Variants in GABRB1 observed in about 807,000 individuals in gnomAD.
The protein encoded by GABRB1 is gamma-aminobutyric acid type A receptor subunit beta1.
Under a neutral mutation model 51.6 loss-of-function variants are expected in GABRB1, and 17 were observed. That is an observed-to-expected ratio of 0.33 (90% CI 0.23 to 0.49). The LOEUF is 0.49. Ranked by LOEUF, GABRB1 falls within the 20% of genes least tolerant of loss-of-function variation. GABRB1 has a pLI of 0.99. For missense variants in GABRB1, 410 were observed against 600.6 expected (o/e 0.68, Z 3.32); for synonymous variants, 247 against 218.9 (o/e 1.13, Z -1.14).
intron 5 of GABRB1, among the ~76,000 whole-genome samples, chr4:47,371,591 G>A (rs771704483): frequency 4.6e-5 from 7 of 152,146 alleles, no homozygotes; most frequent in South Asian, 2.1e-4. Context: ...ACAACCTCAC[G>A]AGCATCTGTT....
At position 47,406,939 on chromosome 4, in the gene GABRB1, A is replaced by G. The variant is rs951653630; in HGVS notation, c.1080+13A>G. On this transcript the variant is annotated intron_variant, in intron 8 of 8. Transcript: ENST00000295454. ...GAATAAAGTCCAGGTAAGATATTAA[A>G]TATTCCTAACAATATTCTTGTTAAA... The G allele has an allele frequency of 8.7e-6, 14 of 1,610,806 alleles. No homozygotes were observed. Among genetic ancestry groups the G allele is most frequent in the Non-Finnish European group, 1.2e-5 (14 of 1,177,980 alleles).
intron 4 of GABRB1, among the ~76,000 whole-genome samples, chr4:47,209,773 T>C (rs1720281144): frequency 6.6e-6 from 1 of 151,560 alleles, no homozygotes; most frequent in Admixed American, 6.6e-5. Context: ...AATAAATTAT[T>C]TACTGATTAT....
intron 3 of GABRB1, among the ~76,000 whole-genome samples, chr4:47,087,439 C>T (rs938937099): frequency 6.6e-6 from 1 of 152,158 alleles, no homozygotes; most frequent in Non-Finnish European, 1.5e-5. Flanking sequence ...TTGCTGCCGC[C>T]TTGCCTGCAG....
At chr4:47,406,983 C>T in intron 8 of GABRB1, 57 bp downstream of exon 8, 1 of 1,516,454 alleles carries the variant, frequency 6.6e-7, no homozygotes, top group South Asian at 1.2e-5. Flanking sequence ...CATCATGATG[C>T]CTCGGGCTCT....
At chr4:47,157,232 T>A (rs1446320102) in intron 3 of GABRB1, among the ~76,000 whole-genome samples, 2 of 152,066 alleles carry the variant, frequency 1.3e-5, no homozygotes, top group Non-Finnish European at 2.9e-5. Flanking sequence ...GGTGGAACAC[T>A]TGTAAACTCA....
chr4:47,421,938 A>G (rs1474447259), intron 8 of GABRB1, among the ~76,000 whole-genome samples: 3 of 152,074 alleles, frequency 2.0e-5, no homozygotes, highest in Non-Finnish European at 4.4e-5. Context: ...CTTATCTTCT[A>G]ATGTAATTCT....
At chr4:47,308,738 T>G (rs535825856) in intron 4 of GABRB1, among the ~76,000 whole-genome samples, 2 of 152,240 alleles carry the variant, frequency 1.3e-5, no homozygotes, top group African/African-American at 4.8e-5. Flanking sequence ...GTCTGAGTCT[T>G]GTTTAGTTAT....
At chr4:47,223,427 G>A (rs1041212709) in intron 4 of GABRB1, among the ~76,000 whole-genome samples, 6 of 152,104 alleles carry the variant, frequency 3.9e-5, no homozygotes, top group Admixed American at 1.3e-4. Context: ...ATACATAAAT[G>A]TAATGCAGCT....
At chr4:47,421,139 G>A (rs1729081015) in intron 8 of GABRB1, among the ~76,000 whole-genome samples, 2 of 152,260 alleles carry the variant, frequency 1.3e-5, no homozygotes, top group South Asian at 2.1e-4. Flanking sequence ...TTCATGGATA[G>A]TTGCAGAACT....
rs535695996 is a variant in GABRB1 at position 47,294,482 on chromosome 4, C to T, written c.462-25645C>T. On this transcript the variant is annotated intron_variant, in intron 4 of 8. Transcript: ENST00000295454. ...CCCGCACGTGGCTCGGAGGGTCCTA[C>T]GCCCACAGTCTCGCTCATTGCTAGC... is the stretch of plus-strand genomic sequence containing the variant. Among the ~76,000 whole-genome samples, 81 of 152,362 alleles carry T rather than the reference C, an allele frequency of 5.3e-4. 1 individual carries two copies. The highest frequency in any genetic ancestry group is 4.7e-3 in the Admixed American group (72 of 15,308).
intron 5 of GABRB1, among the ~76,000 whole-genome samples, chr4:47,326,934 G>A (rs75249114): frequency 0.067 from 10,133 of 152,190 alleles, 449 homozygotes; most frequent in East Asian, 0.19. Context: ...TCCTGTGAGG[G>A]AAGGGATCAT....
chr4:47,139,686 A>G (rs1376303806), intron 3 of GABRB1, among the ~76,000 whole-genome samples: 2 of 152,058 alleles, frequency 1.3e-5, no homozygotes, highest in African/African-American at 4.8e-5. Context: ...AATTTTAACC[A>G]CTAACGGAGA....
intron 4 of GABRB1, among the ~76,000 whole-genome samples, chr4:47,182,378 GT>G (rs1487476563): frequency 1.3e-5 from 2 of 151,976 alleles, no homozygotes; most frequent in African/African-American, 4.8e-5. Context: ...CAACCAAAGA[GT>G]AAAAAATATT....
At chr4:46,996,596 T>C (rs1026563773) in intron 1 of GABRB1, among the ~76,000 whole-genome samples, 1 of 152,268 alleles carries the variant, frequency 6.6e-6, no homozygotes, top group East Asian at 1.9e-4. Context: ...GACCAACATT[T>C]TAATATAAAA....
chr4:47,070,636 C>T (rs1182183489), intron 3 of GABRB1, among the ~76,000 whole-genome samples: 1 of 152,140 alleles, frequency 6.6e-6, no homozygotes, highest in African/African-American at 2.4e-5. Flanking sequence ...CCGGCCTGCA[C>T]TTGCCCTTCT....
At chr4:47,390,206 G>C (rs1223754296) in intron 5 of GABRB1, among the ~76,000 whole-genome samples, 1 of 152,190 alleles carries the variant, frequency 6.6e-6, no homozygotes, top group Non-Finnish European at 1.5e-5. Flanking sequence ...TTTAGACCTG[G>C]ATTGTTGCCT....
chr4:47,007,623 G>A (rs977942099), intron 1 of GABRB1, among the ~76,000 whole-genome samples: 1 of 152,038 alleles, frequency 6.6e-6, no homozygotes, highest in Non-Finnish European at 1.5e-5. Context: ...TTTAAAGCAT[G>A]CCAAATAAAG....
intron 3 of GABRB1, among the ~76,000 whole-genome samples, chr4:47,119,800 G>C (rs1026595485): frequency 6.6e-6 from 1 of 151,764 alleles, no homozygotes; most frequent in Admixed American, 6.6e-5. Context: ...TGAGCCACTG[G>C]GCAGAACATT....
chr4:47,316,182 C>T (rs1303098657), intron 4 of GABRB1, among the ~76,000 whole-genome samples: 4 of 151,734 alleles, frequency 2.6e-5, no homozygotes, highest in South Asian at 2.1e-4. Flanking sequence ...ATCTTTACTA[C>T]ATTTAAATGT....
Sources: allele counts gnomAD v4.1 joint callset (sites outside exome capture counted in the v4.1 genomes callset), GRCh38; gene constraint gnomAD v4.1.1; transcripts MANE v1.5; gene names NCBI Gene and HGNC (gene_info 2026-07-23, HGNC 2026-07-21).